CEP162: variants seen among roughly 807,000 people sequenced by gnomAD.
CEP162 encodes the protein centrosomal protein 162.
In CEP162, 141 loss-of-function variants were observed where a neutral mutation model predicts 169.2. That is an observed-to-expected ratio of 0.83 (90% confidence interval 0.73 to 0.96). The LOEUF (loss-of-function observed/expected upper bound fraction) is 0.96, where lower values mean the gene tolerates loss of function less well. Ranked by LOEUF, CEP162 falls within the 40% of genes least tolerant of loss-of-function variation. CEP162 has a pLI of 0.00. For missense variants in CEP162, 1,600 were observed against 1,587.2 expected, an observed-to-expected ratio of 1.01 and a Z score of -0.14; for synonymous variants, 540 against 526.4, an observed-to-expected ratio of 1.03 and a Z score of -0.35.
chr6:84,213,102 A>G, intron 5 of CEP162, 78 bp from the exon 6 acceptor site: 2 of 843,094 alleles, frequency 2.4e-6, no homozygotes, highest in Non-Finnish European at 3.7e-6. Context: ...ATACCGTTTT[A>G]AAAAATCCCT....
chr6:84,167,604 T>G (rs1014007801), intron 18 of CEP162, among the ~76,000 whole-genome samples: 2 of 152,182 alleles, frequency 1.3e-5, no homozygotes, highest in Non-Finnish European at 2.9e-5. Context: ...GGGTGTATAC[T>G]TCTAAGAATT....
chr6:84,201,591 C>A, intron 8 of CEP162, 146 bp downstream of exon 8: 2 of 561,808 alleles, frequency 3.6e-6, no homozygotes, highest in Non-Finnish European at 6.4e-6. Flanking sequence ...AAGATAGAAA[C>A]ACATTATTGA....
chr6:84,174,122 C>T lies in CEP162; in HGVS notation c.2092G>A (p.Val698Ile), dbSNP rs747245159. The change falls in exon 16 of 27, where the codon GTC (valine) becomes ATC (isoleucine). Residue 698 changes from valine (V) to isoleucine (I), a missense_variant. Transcript: ENST00000403245. ...WLHFGEAADP[V>I]TGEKLKQIQK... is the part of the protein sequence containing the mutation. ...ATTTGCTTCAACTTTTCTCCAGTGA[C>T]AGGATCAGCTGCTTCTCCAAAATGT... 1 of 1,610,964 alleles carries T rather than the reference C, an allele frequency of 6.2e-7. No homozygotes were observed. The highest frequency in any genetic ancestry group is 1.1e-5 in the South Asian group (1 of 90,644).
intron 10 of CEP162, among the ~76,000 whole-genome samples, chr6:84,194,435 T>G (rs183879465): frequency 7.1e-6 from 1 of 140,102 alleles, no homozygotes; most frequent in Admixed American, 7.8e-5. Flanking sequence ...CAAGGGTTCC[T>G]GTATTTCATT....
intron 20 of CEP162, 51 bp downstream of exon 20, chr6:84,161,695 C>A: frequency 2.3e-6 from 3 of 1,277,510 alleles, no homozygotes; most frequent in Non-Finnish European, 3.3e-6. Flanking sequence ...ACAGATATTA[C>A]GGACAAAAGG....
intron 11 of CEP162, among the ~76,000 whole-genome samples, chr6:84,192,088 A>C (rs544397743): frequency 6.6e-6 from 1 of 152,306 alleles, no homozygotes; most frequent in South Asian, 2.1e-4. Context: ...CAGAGCCCCA[A>C]TCCAACCCCA....
rs547398937 is a variant in CEP162, at chr6:84,182,857, C to A, written c.1663+2330G>T. Among the ~76,000 whole-genome samples, 4 of 152,220 alleles carry A rather than the reference C, an allele frequency of 2.6e-5. No individual in the cohort carries two copies. In the South Asian group the frequency reaches 8.3e-4, roughly 32 times the overall value. The stretch of plus-strand genomic sequence containing the variant: ...ATTTGGTTAAGTTCCGGTAGTTGGG[C>A]TTTTTCTTCATCCTAACCAATGTTG... On this transcript the variant is annotated intron_variant, in intron 13 of 26. Transcript: ENST00000403245.
At position 84,152,610 on chromosome 6, in the gene CEP162, T is replaced by C. The variant is rs753214927; in HGVS notation, c.3564A>G (p.Ser1188=). ...RLKNELEGLI[S]EKNELKMKSE... The stretch of plus-strand genomic sequence containing the variant: ...ATTTCATCTTCAGTTCATTCTTCTC[T>C]GAAATTAATCCTTCTAGCTCATTTT... Residue 1188 remains serine (S), a synonymous_variant, in exon 23 of 27, where the codon TCA becomes TCG. Coordinates refer to ENST00000403245, the MANE Select transcript of CEP162 (RefSeq NM_014895.4). 6.4e-7 allele frequency: 1 copy of C among 1,564,470 alleles called. No homozygotes were observed. The highest frequency in any genetic ancestry group is 1.2e-5 in the South Asian group (1 of 84,436).
Position 84,200,832 on chromosome 6 carries a change from T to C in CEP162, c.792A>G (p.Pro264=), listed in dbSNP as rs758947288. The C allele has an allele frequency of 1.9e-6, 3 of 1,611,950 alleles. No individual in the cohort carries two copies. In the South Asian group the frequency reaches 3.3e-5, roughly 18 times the overall value. ...LDEQDKITPK[P]RCLPEMTENE... ...TCTCAGTCATTTCTGGTAGGCACCTTGGCTTAGGTGTTATTTTATCTTGTT... is the reference window on the plus strand; with the variant it reads ...TCTCAGTCATTTCTGGTAGGCACCTCGGCTTAGGTGTTATTTTATCTTGTT... Residue 264 remains proline, a synonymous_variant, in exon 9 of 27, where the codon CCA becomes CCG. Transcript: ENST00000403245.
At chr6:84,137,823 T>TA (rs545985749) in intron 25 of CEP162, among the ~76,000 whole-genome samples, 340 of 152,196 alleles carry the variant, frequency 2.2e-3, no homozygotes, top group African/African-American at 7.6e-3. Context: ...TCTAGAGTCT[T>TA]AAAAAAACCC....
At chr6:84,195,974 T>C (rs1257374247) in intron 9 of CEP162, among the ~76,000 whole-genome samples, 1 of 152,230 alleles carries the variant, frequency 6.6e-6, no homozygotes, top group Non-Finnish European at 1.5e-5. Flanking sequence ...GAATTCATTA[T>C]ATTCCCTACT....
At chr6:84,205,993 C>T (rs1294920153) in intron 6 of CEP162, among the ~76,000 whole-genome samples, 3 of 148,482 alleles carry the variant, frequency 2.0e-5, no homozygotes, top group Non-Finnish European at 4.4e-5. Context: ...AATAAAATAC[C>T]TAGGAATCCA....
chr6:84,125,120 C>A lies in CEP162; in HGVS notation c.4162G>T (p.Val1388Leu), dbSNP rs777376282. Residue 1388 changes from valine (V) to leucine (L), a missense_variant, in exon 27 of 27, where the codon GTG (valine) becomes TTG (leucine). Val to Leu is a conservative substitution (Grantham distance 32). Transcript: ENST00000403245. ...DVLRELHRQGVVVPVAFADEM... is the reference protein window; with the variant it reads ...DVLRELHRQGLVVPVAFADEM... ...TCTGCAAAAGCAACTGGCACAACCACTCCTTGCCGGTGCAGCTCTCGGAGA... is the reference window on the plus strand; with the variant it reads ...TCTGCAAAAGCAACTGGCACAACCAATCCTTGCCGGTGCAGCTCTCGGAGA... 3.7e-6 allele frequency: 6 copies of A among 1,613,512 alleles called. No homozygotes were observed. The highest frequency in any genetic ancestry group is 5.1e-6 in the Non-Finnish European group (6 of 1,179,666).
intron 24 of CEP162, among the ~76,000 whole-genome samples, chr6:84,148,669 T>C (rs1340522288): frequency 6.6e-6 from 1 of 152,192 alleles, no homozygotes; most frequent in African/African-American, 2.4e-5. Context: ...GAATTTATTT[T>C]TAATTAAGAT....
At chr6:84,218,874 C>T (rs1228661353) in intron 3 of CEP162, among the ~76,000 whole-genome samples, 3 of 152,328 alleles carry the variant, frequency 2.0e-5, no homozygotes, top group African/African-American at 7.2e-5. Context: ...TCCAGGGTCT[C>T]ACCCTGGCTC....
chr6:84,199,333 T>G (rs181328621), intron 9 of CEP162, among the ~76,000 whole-genome samples: 67 of 152,230 alleles, frequency 4.4e-4, no homozygotes, highest in Admixed American at 2.0e-3. Flanking sequence ...ACCTTTATAT[T>G]TTAAAATGAA....
chr6:84,131,607 CTT>C (rs1381921232), intron 25 of CEP162, among the ~76,000 whole-genome samples: 1 of 151,880 alleles, frequency 6.6e-6, no homozygotes, highest in Non-Finnish European at 1.5e-5. Context: ...GGCCTTGTCT[CTT>C]TTGATCTTTG....
At chr6:84,144,420 C>T (rs181090226) in intron 25 of CEP162, among the ~76,000 whole-genome samples, 7 of 152,134 alleles carry the variant, frequency 4.6e-5, no homozygotes, top group Admixed American at 3.3e-4. Context: ...ATTTCCATAT[C>T]AAGTGCATTA....
intron 18 of CEP162, among the ~76,000 whole-genome samples, chr6:84,164,814 T>A (rs2099527166): frequency 6.6e-6 from 1 of 152,176 alleles, no homozygotes; most frequent in South Asian, 2.1e-4. Flanking sequence ...TATACCTATG[T>A]AACAAACCTG....
Sources: allele counts gnomAD v4.1 joint callset (sites outside exome capture counted in the v4.1 genomes callset), GRCh38; gene constraint gnomAD v4.1.1; transcripts MANE v1.5; gene names NCBI Gene and HGNC (gene_info 2026-07-23, HGNC 2026-07-21).